Variants in KCNQ3 observed in about 807,000 individuals in gnomAD.
The protein encoded by KCNQ3 is potassium voltage-gated channel subfamily KQT member 3.
KCNQ3 carries 30 observed loss-of-function variants against 92.5 expected under a neutral mutation model. The ratio of observed to expected loss-of-function variants is 0.32; its 90% CI spans 0.24 to 0.44. The LOEUF is 0.44. KCNQ3 is among the 20% of genes least tolerant of loss of function. The probability of loss-of-function intolerance (pLI) is 1.00; values close to 1 mark genes in which losing one functional copy is unlikely to be tolerated. For synonymous variants in KCNQ3, 450 were observed against 468.8 expected (o/e 0.96, Z 0.52); for missense variants, 913 against 1,140.3 (o/e 0.80, Z 2.87).
At chr8:132,200,042 A>C (rs904139103) in intron 1 of KCNQ3, among the ~76,000 whole-genome samples, 3 of 152,166 alleles carry the variant, frequency 2.0e-5, no homozygotes, top group Non-Finnish European at 4.4e-5. Flanking sequence ...CCCAAAATTG[A>C]CTTAATACTT....
At chr8:132,215,839 C>T (rs1427130910) in intron 1 of KCNQ3, among the ~76,000 whole-genome samples, 3 of 152,176 alleles carry the variant, frequency 2.0e-5, no homozygotes, top group South Asian at 2.1e-4. Flanking sequence ...CTCAAGTTCC[C>T]TTCCATGGGG....
intron 1 of KCNQ3, among the ~76,000 whole-genome samples, chr8:132,385,514 G>A (rs1217412631): frequency 1.3e-5 from 2 of 152,210 alleles, no homozygotes; most frequent in African/African-American, 2.4e-5. Flanking sequence ...CTCAAGAATG[G>A]ACTAATGTTA....
At chr8:132,447,361 G>A in intron 1 of KCNQ3, 1 of 907,932 alleles carries the variant, frequency 1.1e-6, no homozygotes, top group Non-Finnish European at 1.7e-6. Flanking sequence ...GACAGTAAAG[G>A]TTTCTAGGAC....
chr8:132,442,731 T>C (rs932472081), intron 1 of KCNQ3, among the ~76,000 whole-genome samples: 4 of 152,140 alleles, frequency 2.6e-5, no homozygotes, highest in Non-Finnish European at 5.9e-5. Context: ...CCAGAAGAAA[T>C]ATCCAGGGCA....
At chr8:132,220,811 CTTTT>C (rs201993680) in intron 1 of KCNQ3, among the ~76,000 whole-genome samples, 2 of 92,602 alleles carry the variant, frequency 2.2e-5, no homozygotes, top group South Asian at 3.4e-4. Flanking sequence ...TGGCATGAAA[CTTTT>C]TTTTATTTTT....
At chr8:132,388,002 A>AGAAGAG (rs201599719) in intron 1 of KCNQ3, among the ~76,000 whole-genome samples, 4 of 126,340 alleles carry the variant, frequency 3.2e-5, no homozygotes, top group East Asian at 2.1e-4. Flanking sequence ...AGGAAGAAGA[A>AGAAGAG]GAAGAGGAAG....
chr8:132,465,868 C>T (rs112385031), intron 1 of KCNQ3, among the ~76,000 whole-genome samples: 2,320 of 152,214 alleles, frequency 0.015, 46 homozygotes, highest in African/African-American at 0.051. Flanking sequence ...GCCATGATTG[C>T]ACCACTGGAC....
chr8:132,480,672 C>CCT lies in KCNQ3; in HGVS notation c.-141_-140insAG. 1 of 913,422 alleles carries CCT rather than the reference C, an allele frequency of 1.1e-6. No individual in the cohort carries two copies. The highest frequency in any genetic ancestry group is 1.3e-6 in the Non-Finnish European group (1 of 751,278). 56.6% of individuals were successfully genotyped at this position (913,422 alleles called of 1,614,324 possible). A position where few individuals can be genotyped will look rare whatever the true frequency, so the allele number is the denominator to read the frequency against. ...CCATGATCCGCGCGCCCCTCCCCAC[C>CCT]CCCCCCCAAAAGCAGGCAAAGGCGG... On this transcript the variant is annotated 5_prime_UTR_variant, in exon 1 of 15. Coordinates refer to ENST00000388996, the MANE Select transcript of KCNQ3 (RefSeq NM_004519.4).
intron 1 of KCNQ3, among the ~76,000 whole-genome samples, chr8:132,422,626 G>A (rs150143791): frequency 9.9e-4 from 151 of 152,200 alleles, no homozygotes; most frequent in African/African-American, 2.7e-3. Flanking sequence ...AGCTGCACCC[G>A]CCCCCAGCAC....
rs184356868 is a variant in KCNQ3, at chr8:132,192,412, C to T, written c.387-6231G>A. On this transcript the variant is annotated intron_variant, in intron 1 of 14. Coordinates refer to ENST00000388996, the MANE Select transcript of KCNQ3 (RefSeq NM_004519.4). ...TGAACTTAATTTCAGACGGAGACCA[C>T]GTTATCAGTCCCACTGATGGACAAG... Among the ~76,000 whole-genome samples the T allele has an allele frequency of 4.1e-3, 617 of 152,320 alleles. 2 individuals are homozygous for T. The highest frequency in any genetic ancestry group is 0.011 in the South Asian group (52 of 4,822).
chr8:132,229,636 G>T (rs1320647796), intron 1 of KCNQ3, among the ~76,000 whole-genome samples: 6 of 151,932 alleles, frequency 3.9e-5, no homozygotes, highest in Non-Finnish European at 8.8e-5. Context: ...ATTACCTGGG[G>T]CTAGAAATTT....
intron 1 of KCNQ3, among the ~76,000 whole-genome samples, chr8:132,337,083 T>A (rs999379877): frequency 2.6e-5 from 4 of 152,190 alleles, no homozygotes; most frequent in Non-Finnish European, 5.9e-5. Context: ...TGTATAAAGG[T>A]CCCTTATTGC....
intron 1 of KCNQ3, among the ~76,000 whole-genome samples, chr8:132,328,240 C>T (rs911537965): frequency 3.9e-5 from 6 of 152,150 alleles, no homozygotes; most frequent in African/African-American, 1.2e-4. Context: ...TGCACACTCC[C>T]CTACACACCT....
intron 1 of KCNQ3, among the ~76,000 whole-genome samples, chr8:132,452,334 G>T (rs562707808): frequency 6.6e-6 from 1 of 152,304 alleles, no homozygotes; most frequent in South Asian, 2.1e-4. Flanking sequence ...TTTAAGTGGA[G>T]CCATGCAGTA....
chr8:132,338,749 A>G (rs949102288), intron 1 of KCNQ3, among the ~76,000 whole-genome samples: 2 of 152,188 alleles, frequency 1.3e-5, no homozygotes, highest in Admixed American at 1.3e-4. Context: ...GACACAGAAA[A>G]AATTAAGCTG....
chr8:132,474,409 A>G (rs1238635206), intron 1 of KCNQ3, among the ~76,000 whole-genome samples: 1 of 152,184 alleles, frequency 6.6e-6, no homozygotes, highest in Non-Finnish European at 1.5e-5. Flanking sequence ...TGTTTTTCAT[A>G]AAATCAGAAT....
chr8:132,134,230 G>A (rs1438397583), intron 13 of KCNQ3, 60 bp downstream of exon 13: 1 of 1,233,948 alleles, frequency 8.1e-7, no homozygotes, highest in Non-Finnish European at 1.2e-6. Flanking sequence ...AGGTTTGGGG[G>A]TGGGGATGCT....
intron 1 of KCNQ3, among the ~76,000 whole-genome samples, chr8:132,199,650 C>T (rs1827401118): frequency 6.6e-6 from 1 of 152,164 alleles, no homozygotes; most frequent in Non-Finnish European, 1.5e-5. Context: ...TGGCTCACGC[C>T]TGTAATCCCA....
chr8:132,217,226 C>T (rs80018466), intron 1 of KCNQ3, among the ~76,000 whole-genome samples: 2,161 of 152,246 alleles, frequency 0.014, 63 homozygotes, highest in African/African-American at 0.048. Flanking sequence ...GTTAAACATT[C>T]CTCAGCACAC....
Sources: gnomAD v4.1 joint callset for allele counts (sites outside exome capture counted in the v4.1 genomes callset) on GRCh38, gnomAD v4.1.1 for gene constraint, MANE v1.5 for transcripts, NCBI Gene and HGNC (gene_info 2026-07-23, HGNC 2026-07-21) for gene names.